EPHB1: variants seen among roughly 807,000 people sequenced by gnomAD.
EPHB1 encodes the protein EPH receptor B1.
In EPHB1, 30 loss-of-function variants were observed where a neutral mutation model predicts 94.4. The observed-to-expected ratio is 0.32, with a 90% confidence interval of 0.24 to 0.43. EPHB1 has a LOEUF of 0.43. EPHB1 is among the 20% of genes least tolerant of loss of function. The pLI, the probability that EPHB1 is intolerant of heterozygous loss-of-function variation, is 1.00. For missense variants in EPHB1, 1,055 were observed against 1,308.3 expected, an observed-to-expected ratio of 0.81 and a Z score of 2.99; for synonymous variants, 522 against 489.1, an observed-to-expected ratio of 1.07 and a Z score of -0.89.
At chr3:134,814,955 T>C (rs1230176188) in intron 1 of EPHB1, among the ~76,000 whole-genome samples, 12 of 152,216 alleles carry the variant, frequency 7.9e-5, no homozygotes, top group Admixed American at 7.2e-4. Context: ...TAAATTCAGT[T>C]GTGCCTGGAT....
At chr3:135,205,829 T>C (rs1256279581) in intron 12 of EPHB1, among the ~76,000 whole-genome samples, 1 of 152,158 alleles carries the variant, frequency 6.6e-6, no homozygotes, top group Non-Finnish European at 1.5e-5. Context: ...CCCCTAGCCA[T>C]TTTAGCATAC....
intron 3 of EPHB1, among the ~76,000 whole-genome samples, chr3:135,084,555 G>A (rs1308251389): frequency 6.6e-6 from 1 of 152,166 alleles, no homozygotes; most frequent in African/African-American, 2.4e-5. Context: ...CTGTGTTAAA[G>A]GAATGGCAGA....
chr3:134,925,677 C>T (rs2107702078), intron 1 of EPHB1, 139 bp from the exon 2 acceptor site: 1 of 657,760 alleles, frequency 1.5e-6, no homozygotes, highest in South Asian at 2.2e-5. Flanking sequence ...ACAGAGAGAC[C>T]TGGGCTTGAA....
At chr3:134,998,338 G>A (rs1935060495) in intron 3 of EPHB1, among the ~76,000 whole-genome samples, 1 of 152,206 alleles carries the variant, frequency 6.6e-6, no homozygotes, top group South Asian at 2.1e-4. Flanking sequence ...GGAAGAGAAT[G>A]TAAGTCATGA....
At chr3:135,155,874 A>T (rs1442047429) in intron 6 of EPHB1, among the ~76,000 whole-genome samples, 2 of 151,804 alleles carry the variant, frequency 1.3e-5, no homozygotes, top group African/African-American at 4.8e-5. Flanking sequence ...GAGGAGGGAC[A>T]AGATCTAACT....
intron 3 of EPHB1, among the ~76,000 whole-genome samples, chr3:135,004,692 G>A (rs1049725791): frequency 1.3e-4 from 20 of 150,832 alleles, no homozygotes; most frequent in South Asian, 8.4e-4. Flanking sequence ...TTCCCTTCTC[G>A]CTTCATTTCA....
intron 2 of EPHB1, among the ~76,000 whole-genome samples, chr3:134,949,249 G>A (rs1175531829): frequency 6.6e-6 from 1 of 152,134 alleles, no homozygotes; most frequent in Admixed American, 6.5e-5. Context: ...GTTGGTGAGG[G>A]AACTGGCACT....
At chr3:135,178,436 G>A (rs1242890955) in intron 9 of EPHB1, among the ~76,000 whole-genome samples, 6 of 148,366 alleles carry the variant, frequency 4.0e-5, no homozygotes, top group Non-Finnish European at 7.4e-5. Flanking sequence ...ACTCCAGCCT[G>A]GGCAACAGAG....
intron 5 of EPHB1, 62 bp from the exon 6 acceptor site, chr3:135,154,090 G>C (rs1694830434): frequency 6.2e-7 from 1 of 1,605,148 alleles, no homozygotes; most frequent in Non-Finnish European, 8.5e-7. Context: ...ACCTCTGGAA[G>C]ATGGCCCTTC....
At chr3:135,126,379 G>T (rs979445755) in intron 4 of EPHB1, among the ~76,000 whole-genome samples, 11 of 152,178 alleles carry the variant, frequency 7.2e-5, no homozygotes, top group African/African-American at 2.7e-4. Flanking sequence ...AGAAAGAAAA[G>T]AGGGCACAGT....
In EPHB1 at chr3:134,865,654, T is replaced by TAA. The variant is rs57411473; in HGVS notation, c.59-60149_59-60148dup. Among the ~76,000 whole-genome samples the TAA allele has an allele frequency of 9.8e-5, 14 of 142,338 alleles. 1 individual carries two copies. Among genetic ancestry groups the TAA allele is most frequent in the African/African-American group, 3.0e-4 (12 of 39,442 alleles). 93.4% of individuals were successfully genotyped at this position (142,338 alleles called of 152,430 possible). A position where few individuals can be genotyped will look rare whatever the true frequency, so the allele number is the denominator to read the frequency against. On this transcript the variant is annotated intron_variant, in intron 1 of 15. Transcript: ENST00000398015. ...CAATGAAATAAATCTGCAGCTGTTT[T>TAA]AAAAAAAAAAAAAAGAAAGAAAGAA...
intron 12 of EPHB1, 25 bp downstream of exon 12, chr3:135,201,714 G>A (rs1251645568): frequency 6.2e-7 from 1 of 1,605,958 alleles, no homozygotes; most frequent in Non-Finnish European, 8.5e-7. Context: ...GCATTCTCAA[G>A]TAGAAGCATG....
chr3:135,184,588 G>T (rs138026142), intron 10 of EPHB1, among the ~76,000 whole-genome samples: 86 of 152,320 alleles, frequency 5.6e-4, no homozygotes, highest in African/African-American at 2.0e-3. Flanking sequence ...TATGGCGAAT[G>T]AAAGTAGGTC....
At chr3:135,187,729 C>A (rs1942362238) in intron 10 of EPHB1, among the ~76,000 whole-genome samples, 1 of 152,176 alleles carries the variant, frequency 6.6e-6, no homozygotes, top group Non-Finnish European at 1.5e-5. Flanking sequence ...ACCCTCCATG[C>A]TCAGGCACCT....
intron 5 of EPHB1, among the ~76,000 whole-genome samples, chr3:135,137,428 C>T (rs1311537687): frequency 6.6e-6 from 1 of 152,164 alleles, no homozygotes; most frequent in African/African-American, 2.4e-5. Flanking sequence ...AGCCTGTTGG[C>T]GATGGTTTGT....
At chr3:135,230,159 T>A (rs747409100) in intron 12 of EPHB1, among the ~76,000 whole-genome samples, 5 of 152,162 alleles carry the variant, frequency 3.3e-5, no homozygotes, top group African/African-American at 1.2e-4. Context: ...GGACGTGGCC[T>A]GGAAACAGAA....
At chr3:135,039,429 T>C (rs528207175) in intron 3 of EPHB1, among the ~76,000 whole-genome samples, 31 of 152,322 alleles carry the variant, frequency 2.0e-4, no homozygotes, top group South Asian at 6.2e-4. Flanking sequence ...TGCGCTCGCA[T>C]TCCTCATCCC....
At chr3:134,856,772 G>T (rs965066286) in intron 1 of EPHB1, among the ~76,000 whole-genome samples, 3 of 152,150 alleles carry the variant, frequency 2.0e-5, no homozygotes, top group Non-Finnish European at 4.4e-5. Context: ...GGACATACTG[G>T]AATAAGTAAA....
intron 3 of EPHB1, among the ~76,000 whole-genome samples, chr3:134,984,201 G>A (rs1934512426): frequency 6.6e-6 from 1 of 152,182 alleles, no homozygotes. Context: ...ATTGCCAGTG[G>A]AAAGCAGAGG....
Sources: allele counts gnomAD v4.1 joint callset (sites outside exome capture counted in the v4.1 genomes callset), GRCh38; gene constraint gnomAD v4.1.1; transcripts MANE v1.5; gene names NCBI Gene and HGNC (gene_info 2026-07-23, HGNC 2026-07-21).